PLCE1: variants seen among roughly 807,000 people sequenced by gnomAD.
The protein encoded by PLCE1 is 1-phosphatidylinositol 4,5-bisphosphate phosphodiesterase epsilon-1.
In PLCE1, 119 loss-of-function variants were observed where a neutral mutation model predicts 242.8. The ratio of observed to expected loss-of-function variants is 0.49; its 90% CI spans 0.42 to 0.57. The LOEUF (loss-of-function observed/expected upper bound fraction) is 0.57, where lower values mean the gene tolerates loss of function less well. Among genes scored for constraint, PLCE1 ranks in the 20% least tolerant of loss-of-function variants. The pLI is 0.00. For missense variants in PLCE1, 2,441 were observed against 2,788.8 expected (o/e 0.88, Z 2.81); for synonymous variants, 945 against 1,017.4 (o/e 0.93, Z 1.35).
intron 5 of PLCE1, among the ~76,000 whole-genome samples, chr10:94,232,131 G>A (rs754180512): frequency 6.6e-6 from 1 of 152,200 alleles, no homozygotes; most frequent in Non-Finnish European, 1.5e-5. Context: ...GGGAAGAATA[G>A]AGTATGTGCT....
rs191324343 is a variant in PLCE1, at chr10:94,301,388, C to T, written c.5458+2719C>T. Among the ~76,000 whole-genome samples, 820 of 151,744 alleles carry T rather than the reference C, an allele frequency of 5.4e-3. 8 individuals carry two copies. Among genetic ancestry groups the T allele is most frequent in the Non-Finnish European group, 7.0e-3 (475 of 67,894 alleles). On this transcript the variant is annotated intron_variant, in intron 24 of 32. Transcript: ENST00000371380. ...AAATTATATATATAGATAGATAGAT[C>T]GAATAGATCGATAAGAGTCAACAGT...
intron 11 of PLCE1, among the ~76,000 whole-genome samples, chr10:94,255,732 C>T (rs1392777024): frequency 6.6e-6 from 1 of 152,078 alleles, no homozygotes; most frequent in Non-Finnish European, 1.5e-5. Flanking sequence ...AATATCTTCC[C>T]TCTCAGAAGA....
At chr10:94,304,722 GC>G (rs945948130) in intron 25 of PLCE1, 77 bp downstream of exon 25, 1 of 1,364,804 alleles carries the variant, frequency 7.3e-7, no homozygotes, top group Admixed American at 1.7e-5. Context: ...TGAATTCAAG[GC>G]ATTGGAAAGC....
At chr10:94,110,954 C>T (rs1189798684) in intron 2 of PLCE1, among the ~76,000 whole-genome samples, 1 of 152,178 alleles carries the variant, frequency 6.6e-6, no homozygotes, top group Non-Finnish European at 1.5e-5. Context: ...CTGTAGCATG[C>T]CCTCAGTTGT....
chr10:94,102,964 A>G (rs918857332), intron 2 of PLCE1, among the ~76,000 whole-genome samples: 1 of 152,254 alleles, frequency 6.6e-6, no homozygotes, highest in Admixed American at 6.5e-5. Flanking sequence ...TACAAAGAAG[A>G]AAAACAGTGG....
At chr10:94,114,772 TA>T (rs1158121481) in intron 2 of PLCE1, among the ~76,000 whole-genome samples, 4,507 of 139,474 alleles carry the variant, frequency 0.032, 229 homozygotes, top group African/African-American at 0.11. Context: ...TTTTTTTTTT[TA>T]ATACTTTAAG....
intron 2 of PLCE1, among the ~76,000 whole-genome samples, chr10:94,063,686 G>A (rs545684919): frequency 2.4e-4 from 37 of 152,286 alleles, no homozygotes; most frequent in Admixed American, 1.5e-3. Flanking sequence ...ATGCCATTTA[G>A]TGAGGGGAAG....
chr10:94,203,103 C>T (rs1412993842), intron 4 of PLCE1, among the ~76,000 whole-genome samples: 1 of 152,212 alleles, frequency 6.6e-6, no homozygotes, highest in Non-Finnish European at 1.5e-5. Context: ...AGGTCATTCT[C>T]AATTTACAGG....
chr10:94,283,903 A>G lies in PLCE1; in HGVS notation c.4909A>G (p.Lys1637Glu), dbSNP rs1243172719. The change falls in exon 21 of 33, where the codon AAA becomes GAA. Residue 1637 changes from lysine to glutamate, a missense_variant. Lys to Glu is a moderately conservative substitution (Grantham distance 56, BLOSUM62 1). This residue lies in a region of PLCE1 where 1,004 missense variants were observed against 1,322.7 expected (regional missense o/e 0.76). Transcript: ENST00000371380. ...GAAAGCAGATAACTCTGCTTGCAAC[A>G]AAGGAAAGGTGGGTGAACGGTTTCT... is the stretch of plus-strand genomic sequence containing the variant. ...IKKADNSACN[K>E]GKVYDMELGE... The G allele has an allele frequency of 6.2e-7, 1 of 1,611,340 alleles. No individual in the cohort carries two copies. The highest frequency in any genetic ancestry group is 2.2e-5 in the East Asian group (1 of 44,768).
At chr10:94,296,074 G>A (rs1161219916) in intron 23 of PLCE1, among the ~76,000 whole-genome samples, 1 of 151,996 alleles carries the variant, frequency 6.6e-6, no homozygotes. Context: ...ATAAAAAGTT[G>A]TTGTTTGGCC....
intron 22 of PLCE1, among the ~76,000 whole-genome samples, chr10:94,291,790 ATGT>A (rs2052654833): frequency 6.6e-6 from 1 of 152,120 alleles, no homozygotes; most frequent in African/African-American, 2.4e-5. Flanking sequence ...CTTTCTGGAA[ATGT>A]TGTTATCGGT....
intron 4 of PLCE1, among the ~76,000 whole-genome samples, chr10:94,179,767 A>T (rs1460003644): frequency 6.6e-6 from 1 of 151,548 alleles, no homozygotes; most frequent in African/African-American, 2.4e-5. Context: ...TGGCCTCCCA[A>T]TGTGCTGGGA....
Position 94,306,638 on chromosome 10 carries a change from G to T in PLCE1, c.5834G>T (p.Ser1945Ile). 1 of 1,614,118 alleles carries T rather than the reference G, an allele frequency of 6.2e-7. No individual in the cohort carries two copies. Among genetic ancestry groups the T allele is most frequent in the Non-Finnish European group, 8.5e-7 (1 of 1,179,970 alleles). The change falls in exon 26 of 33, where the codon AGT (serine) becomes ATT (isoleucine). Residue 1945 changes from serine (S) to isoleucine (I), a missense_variant. Transcript: ENST00000371380. This position sits in a 1 kb window ranked among gnomAD's most constrained non-coding sequence, Gnocchi z 5.7. ...FLRFAVVENN[S>I]SAVTAQRIIP... ...CGTTTTGCAGTTGTGGAAAACAATA[G>T]TTCAGCGGTAACTGCTCAGAGAATC... is the stretch of plus-strand genomic sequence containing the variant.
At position 94,093,114 on chromosome 10, in the gene PLCE1, G is replaced by A. The variant is rs1035417036; in HGVS notation, c.1207-39060G>A. On this transcript the variant is annotated intron_variant, in intron 2 of 32. Coordinates refer to ENST00000371380, the MANE Select transcript of PLCE1 (RefSeq NM_016341.4). ...AGGAATTCAAGGGTGAAATCATGGA[G>A]CTGTTGTTAAAAGCAACTCATTTTT... 4.6e-5 allele frequency among the ~76,000 whole-genome samples: 7 copies of A among 152,298 alleles called. No individual in the cohort carries two copies. In the East Asian group the frequency reaches 1.3e-3, roughly 29 times the overall value.
At chr10:94,067,242 G>A (rs2044223377) in intron 2 of PLCE1, among the ~76,000 whole-genome samples, 1 of 152,062 alleles carries the variant, frequency 6.6e-6, no homozygotes, top group African/African-American at 2.4e-5. Flanking sequence ...ATAATCACAA[G>A]GACTTCTTAT....
intron 4 of PLCE1, among the ~76,000 whole-genome samples, chr10:94,191,036 G>T (rs983030194): frequency 6.6e-6 from 1 of 152,178 alleles, no homozygotes; most frequent in Admixed American, 6.5e-5. Context: ...CATCACAAGA[G>T]AATCAGGCAA....
At chr10:94,018,321 G>A (rs1197069286) in intron 1 of PLCE1, among the ~76,000 whole-genome samples, 3 of 152,128 alleles carry the variant, frequency 2.0e-5, no homozygotes, top group African/African-American at 7.2e-5. Context: ...AATGTGCTAT[G>A]CTACTTTGAC....
In PLCE1 at chr10:94,179,530, T is replaced by TTTTTTGA. The variant is rs10636243; in HGVS notation, c.1809+8034_1809+8035insTTTTTGA. 6.1e-4 allele frequency among the ~76,000 whole-genome samples: 72 copies of TTTTTTGA among 118,820 alleles called. 3 individuals are homozygous for TTTTTTGA. The highest frequency in any genetic ancestry group is 2.2e-3 in the African/African-American group (67 of 31,016). 78.0% of individuals were successfully genotyped at this position (118,820 alleles called of 152,430 possible). A position where few individuals can be genotyped will look rare whatever the true frequency, so the allele number is the denominator to read the frequency against. On this transcript the variant is annotated intron_variant, in intron 4 of 32. Transcript: ENST00000371380. ...TAGTTTAGTTTTTTTTTTTTTTTTTTGACAGGGTCTCTGTTGCCCAGGCTG... is the reference window on the plus strand; with the variant it reads ...TAGTTTAGTTTTTTTTTTTTTTTTTTTTTTTGAGACAGGGTCTCTGTTGCCCAGGCTG...
intron 1 of PLCE1, among the ~76,000 whole-genome samples, chr10:94,028,651 A>T (rs570552045): frequency 4.7e-4 from 72 of 152,290 alleles, no homozygotes; most frequent in African/African-American, 1.7e-3. Flanking sequence ...ATTACACAAG[A>T]TAATAATTGC....
Sources: gnomAD v4.1 joint callset for allele counts (sites outside exome capture counted in the v4.1 genomes callset) on GRCh38, gnomAD v4.1.1 for gene constraint, gnomAD v4.1.1 regional missense constraint, Gnocchi (gnomAD v3.1) non-coding constraint, MANE v1.5 for transcripts, NCBI Gene and HGNC (gene_info 2026-07-23, HGNC 2026-07-21) for gene names.